UGT2B7: variants seen among roughly 807,000 people sequenced by gnomAD.
UGT2B7 encodes the protein UDP-glucuronosyltransferase 2B7.
In UGT2B7, 51 loss-of-function variants were observed where a neutral mutation model predicts 51.9. That is an observed-to-expected ratio of 0.98 (90% CI 0.78 to 1.24). The LOEUF (loss-of-function observed/expected upper bound fraction) is 1.24, where lower values mean the gene tolerates loss of function less well. Among genes scored for constraint, UGT2B7 ranks in the 50% most tolerant of loss-of-function variants. UGT2B7 has a pLI of 0.00. For synonymous variants in UGT2B7, 225 were observed against 211.6 expected, an observed-to-expected ratio of 1.06 and a Z score of -0.55; for missense variants, 727 against 628.4, an observed-to-expected ratio of 1.16 and a Z score of -1.68.
rs192022677 is a variant in UGT2B7 at position 69,081,698 on chromosome 4, C to T, written c.-158-7774C>T. ...GTCTAGATTCTACCAAAGCTTTCATCTCACCGTATTATGTGATCTGTCACA... is the reference window on the plus strand; with the variant it reads ...GTCTAGATTCTACCAAAGCTTTCATTTCACCGTATTATGTGATCTGTCACA... On this transcript the variant is annotated intron_variant, in intron 1 of 5. Transcript: ENST00000502942. Among the ~76,000 whole-genome samples the T allele has an allele frequency of 2.4e-4, 37 of 152,228 alleles. 1 individual carries two copies. Among genetic ancestry groups the T allele is most frequent in the African/African-American group, 8.4e-4 (35 of 41,556 alleles).
At chr4:69,076,148 A>T (rs1183925409) in intron 1 of UGT2B7, among the ~76,000 whole-genome samples, 1 of 152,160 alleles carries the variant, frequency 6.6e-6, no homozygotes, top group Non-Finnish European at 1.5e-5. Context: ...TATGATATAT[A>T]TGTGCCACAT....
intron 1 of UGT2B7, 65 bp from the exon 2 acceptor site, chr4:69,098,475 T>G: frequency 6.4e-7 from 1 of 1,565,368 alleles, no homozygotes; most frequent in Non-Finnish European, 8.6e-7. Flanking sequence ...TTCTAACCCC[T>G]TTCAGAAATT....
chr4:69,075,365 T>A (rs1203184529), intron 1 of UGT2B7, among the ~76,000 whole-genome samples: 1 of 152,136 alleles, frequency 6.6e-6, no homozygotes, highest in Non-Finnish European at 1.5e-5. Flanking sequence ...TGTCTGTCTG[T>A]CTCTGTCTTC....
In UGT2B7 at chr4:69,102,903, G is replaced by A. The variant is rs781704140; in HGVS notation, c.967G>A (p.Val323Ile). ...VSNMTEERAN[V>I]IASALAQIPQ... The stretch of plus-strand genomic sequence containing the variant: ...TAACATGACAGAAGAAAGGGCCAAC[G>A]TAATTGCATCAGCCCTGGCCCAGAT... The change falls in exon 3 of 6, where the codon GTA becomes ATA. Residue 323 changes from valine to isoleucine, a missense_variant. Physicochemically the swap from Val to Ile is conservative, Grantham distance 29. Coordinates refer to ENST00000305231, the MANE Select transcript of UGT2B7 (RefSeq NM_001074.4). The A allele has an allele frequency of 7.4e-6, 12 of 1,613,432 alleles. No homozygotes were observed. The highest frequency in any genetic ancestry group is 2.7e-5 in the African/African-American group (2 of 74,850).
chr4:69,092,400 G>A (rs545719304), upstream of UGT2B7, among the ~76,000 whole-genome samples: 4 of 152,254 alleles, frequency 2.6e-5, no homozygotes, highest in South Asian at 8.3e-4. Context: ...AATCATTACA[G>A]AGTAATGGTT....
intron 1 of UGT2B7, among the ~76,000 whole-genome samples, chr4:69,087,060 T>TTCTC (rs147382444): frequency 6.7e-6 from 1 of 148,764 alleles, no homozygotes; most frequent in African/African-American, 2.5e-5. Flanking sequence ...CTGTCTCTCT[T>TTCTC]TCTCTCTCTC....
intron 2 of UGT2B7, among the ~76,000 whole-genome samples, 196 bp from the exon 3 acceptor site, chr4:69,102,611 T>C (rs1425955406): frequency 6.6e-6 from 1 of 152,096 alleles, no homozygotes; most frequent in Non-Finnish European, 1.5e-5. Flanking sequence ...CAAATATCCT[T>C]AACAGCATCC....
chr4:69,080,430 C>A (rs1214322377), intron 1 of UGT2B7, among the ~76,000 whole-genome samples: 1 of 151,850 alleles, frequency 6.6e-6, no homozygotes, highest in Non-Finnish European at 1.5e-5. Flanking sequence ...TGCCTGCAAT[C>A]TCAGCTACTC....
At chr4:69,061,621 C>T (rs1390736553) in intron 1 of UGT2B7, among the ~76,000 whole-genome samples, 5 of 152,158 alleles carry the variant, frequency 3.3e-5, no homozygotes, top group Admixed American at 2.6e-4. Flanking sequence ...GAAATCTTGG[C>T]CCCCAGATTT....
intron 1 of UGT2B7, among the ~76,000 whole-genome samples, chr4:69,062,888 C>T (rs1193633763): frequency 6.6e-6 from 1 of 152,174 alleles, no homozygotes; most frequent in African/African-American, 2.4e-5. Context: ...TGCTCTTGTG[C>T]TATTGTTTAA....
At chr4:69,054,305 A>G (rs72851348) in intron 1 of UGT2B7, among the ~76,000 whole-genome samples, 70,412 of 151,940 alleles carry the variant, frequency 0.46, 17,845 homozygotes, top group African/African-American at 0.67. Flanking sequence ...ACAAAAAGAC[A>G]GGGTTTCCAA....
At chr4:69,071,340 C>G (rs532789757) in intron 1 of UGT2B7, among the ~76,000 whole-genome samples, 1 of 152,010 alleles carries the variant, frequency 6.6e-6, no homozygotes, top group Non-Finnish European at 1.5e-5. Flanking sequence ...TTATTCTCTC[C>G]TCGTAACATA....
Position 69,112,803 on chromosome 4 carries a change from A to C in UGT2B7, c.*67A>C. ...CTACTTCAGTTTATTCCAGCAAGAA[A>C]GATTGTGATGCAAGATTTCTTTCTT... is the stretch of plus-strand genomic sequence containing the variant. On this transcript the variant is annotated 3_prime_UTR_variant, in exon 6 of 6. Transcript: ENST00000305231. 6.7e-7 allele frequency: 1 copy of C among 1,488,806 alleles called. No individual in the cohort carries two copies. Among genetic ancestry groups the C allele is most frequent in the Non-Finnish European group, 9.0e-7 (1 of 1,115,182 alleles). 92.2% of individuals were successfully genotyped at this position (1,488,806 alleles called of 1,614,324 possible).
At chr4:69,097,474 C>T (rs966032373) in intron 1 of UGT2B7, among the ~76,000 whole-genome samples, 1 of 152,046 alleles carries the variant, frequency 6.6e-6, no homozygotes, top group Admixed American at 6.6e-5. Context: ...AATCATAAAC[C>T]TATACATTAG....
chr4:69,051,393 C>T (rs1315501115), exon 1 of UGT2B7: 1 of 152,246 alleles, frequency 6.6e-6, no homozygotes, highest in African/African-American at 2.4e-5. Flanking sequence ...GAGGCAGCCC[C>T]TTAGGCAACT....
At position 69,097,019 on chromosome 4, in the gene UGT2B7, C is replaced by A. The variant is rs747704916; in HGVS notation, c.499C>A (p.Pro167Thr). The A allele has an allele frequency of 8.1e-6, 13 of 1,613,774 alleles. No homozygotes were observed. The highest frequency in any genetic ancestry group is 7.7e-5 in the South Asian group (7 of 91,056). Residue 167 changes from proline to threonine, a missense_variant, in exon 1 of 6, where the codon CCC (proline) becomes ACC (threonine). By Grantham distance (38) the Pro-to-Thr change is conservative. Transcript: ENST00000305231. ...SELLAELFNI[P>T]FVYSLSFSPG... ...GCTGCTGGCTGAGCTATTTAACATA[C>A]CCTTTGTGTACAGTCTCAGCTTCTC...
chr4:69,061,049 A>G (rs559725203), intron 1 of UGT2B7, among the ~76,000 whole-genome samples: 2 of 152,284 alleles, frequency 1.3e-5, no homozygotes, highest in South Asian at 4.1e-4. Flanking sequence ...TTCATACTAG[A>G]GGGAGTCCAC....
In UGT2B7 at chr4:69,112,625, G is replaced by T; in HGVS notation, c.1479G>T (p.Val493=). ...GGTTCCAGTACCACTCTTTGGATGT[G>T]ATTGGGTTCCTGCTGGTCTGTGTGG... is the stretch of plus-strand genomic sequence containing the variant. ...LTWFQYHSLD[V]IGFLLVCVAT... The change falls in exon 6 of 6, where the codon GTG becomes GTT. Residue 493 remains valine (V), a synonymous_variant. Coordinates refer to ENST00000305231, the MANE Select transcript of UGT2B7 (RefSeq NM_001074.4). 1 of 1,613,964 alleles carries T rather than the reference G, an allele frequency of 6.2e-7. No individual in the cohort carries two copies. The highest frequency in any genetic ancestry group is 8.5e-7 in the Non-Finnish European group (1 of 1,179,876).
intron 1 of UGT2B7, among the ~76,000 whole-genome samples, chr4:69,075,306 G>T (rs12646327): frequency 0.61 from 93,247 of 151,896 alleles, 30,140 homozygotes; most frequent in African/African-American, 0.81. Flanking sequence ...AGCATAATTT[G>T]GAAGACTGTG....
Sources: allele counts gnomAD v4.1 joint callset (sites outside exome capture counted in the v4.1 genomes callset), GRCh38; gene constraint gnomAD v4.1.1; transcripts MANE v1.5; gene names NCBI Gene and HGNC (gene_info 2026-07-23, HGNC 2026-07-21).